SKAP2: variants seen among roughly 807,000 people sequenced by gnomAD.
SKAP2 encodes src kinase-associated phosphoprotein 2.
Under a neutral mutation model 54.9 loss-of-function variants are expected in SKAP2, and 28 were observed. The ratio of observed to expected loss-of-function variants is 0.51; its 90% CI spans 0.38 to 0.70. The LOEUF (loss-of-function observed/expected upper bound fraction) is 0.70, where lower values mean the gene tolerates loss of function less well. Among genes scored for constraint, SKAP2 ranks in the 30% least tolerant of loss-of-function variants. The pLI is 0.00. For missense variants in SKAP2, 356 were observed against 424.1 expected (o/e 0.84, Z 1.41); for synonymous variants, 137 against 134.3 (o/e 1.02, Z -0.14).
chr7:26,863,283 G>T (rs1785305544), intron 1 of SKAP2, among the ~76,000 whole-genome samples: 1 of 152,130 alleles, frequency 6.6e-6, no homozygotes, highest in African/African-American at 2.4e-5. Context: ...GTCATCAAAT[G>T]TCACATTTTA....
At chr7:26,700,758 CAGGGA>C (rs1195954429) in intron 9 of SKAP2, among the ~76,000 whole-genome samples, 1 of 152,198 alleles carries the variant, frequency 6.6e-6, no homozygotes, top group Non-Finnish European at 1.5e-5. Flanking sequence ...GAGTCTGTTT[CAGGGA>C]ACCCAACTTG....
intron 4 of SKAP2, among the ~76,000 whole-genome samples, chr7:26,813,360 TA>T (rs1487094407): frequency 6.6e-6 from 1 of 152,188 alleles, no homozygotes; most frequent in African/African-American, 2.4e-5. Context: ...CTTTTGTCTA[TA>T]CTTTTTCAAA....
intron 4 of SKAP2, among the ~76,000 whole-genome samples, chr7:26,748,150 A>C (rs547998752): frequency 2.9e-4 from 44 of 152,266 alleles, no homozygotes; most frequent in African/African-American, 1.0e-3. Flanking sequence ...ATAAATCTTT[A>C]ATATAGAACT....
At chr7:26,831,349 A>G (rs1278711297) in intron 4 of SKAP2, among the ~76,000 whole-genome samples, 5 of 152,198 alleles carry the variant, frequency 3.3e-5, no homozygotes, top group Admixed American at 3.3e-4. Context: ...AACCACTAAC[A>G]GTTTTCAACA....
At chr7:26,685,261 TCA>T (rs1786606466) in intron 10 of SKAP2, among the ~76,000 whole-genome samples, 1 of 152,056 alleles carries the variant, frequency 6.6e-6, no homozygotes, top group African/African-American at 2.4e-5. Flanking sequence ...AATAACCATC[TCA>T]CAGAATTTGG....
At chr7:26,856,477 T>C (rs1484701412) in intron 1 of SKAP2, among the ~76,000 whole-genome samples, 2 of 152,192 alleles carry the variant, frequency 1.3e-5, no homozygotes, top group Admixed American at 1.3e-4. Context: ...GTGGGGGACA[T>C]AGAGACATAA....
At chr7:26,724,893 G>A (rs549067292) in intron 9 of SKAP2, among the ~76,000 whole-genome samples, 6 of 152,146 alleles carry the variant, frequency 3.9e-5, no homozygotes, top group African/African-American at 1.4e-4. Context: ...ATTCCATATT[G>A]ATGCTAAAAT....
intron 4 of SKAP2, 106 bp from the exon 5 acceptor site, chr7:26,740,070 G>T: frequency 5.0e-5 from 27 of 539,614 alleles, no homozygotes; most frequent in Middle Eastern, 3.4e-4. Flanking sequence ...TACTGAAATT[G>T]TTTAAATCTA....
At chr7:26,696,508 C>G (rs755741357) in intron 9 of SKAP2, among the ~76,000 whole-genome samples, 24 of 152,068 alleles carry the variant, frequency 1.6e-4, no homozygotes, top group Non-Finnish European at 3.1e-4. Context: ...AACCAGATTT[C>G]TCAGGGGAAA....
intron 4 of SKAP2, among the ~76,000 whole-genome samples, chr7:26,779,720 T>A (rs968136660): frequency 6.6e-6 from 1 of 151,834 alleles, no homozygotes; most frequent in Non-Finnish European, 1.5e-5. Context: ...GTTAAAAAAA[T>A]GTAGAGGGAA....
At chr7:26,729,707 G>T (rs191543233) in intron 6 of SKAP2, among the ~76,000 whole-genome samples, 29 of 152,196 alleles carry the variant, frequency 1.9e-4, no homozygotes, top group African/African-American at 7.0e-4. Flanking sequence ...ATAAGAATAA[G>T]GGGATGGGGA....
chr7:26,713,692 T>C (rs995049338), intron 9 of SKAP2, among the ~76,000 whole-genome samples: 2 of 151,880 alleles, frequency 1.3e-5, no homozygotes, highest in Non-Finnish European at 2.9e-5. Context: ...CTCCGCCTCC[T>C]GGGTTCACAC....
At chr7:26,820,221 T>G (rs1232078826) in intron 4 of SKAP2, among the ~76,000 whole-genome samples, 1 of 152,188 alleles carries the variant, frequency 6.6e-6, no homozygotes, top group Non-Finnish European at 1.5e-5. Context: ...AGAACTTGAT[T>G]TTTAAAACTG....
intron 1 of SKAP2, among the ~76,000 whole-genome samples, chr7:26,861,615 CTTTTTT>C (rs34331819): frequency 6.0e-5 from 7 of 116,148 alleles, no homozygotes; most frequent in Non-Finnish European, 1.2e-4. Flanking sequence ...ATAACAACCT[CTTTTTT>C]TTTTTTTTTT....
intron 4 of SKAP2, among the ~76,000 whole-genome samples, chr7:26,786,371 A>G (rs762168073): frequency 2.0e-5 from 3 of 152,238 alleles, no homozygotes; most frequent in Non-Finnish European, 2.9e-5. Flanking sequence ...TAAAAAACAT[A>G]TAAGTAAGAT....
At chr7:26,760,475 G>A (rs1300091140) in intron 4 of SKAP2, among the ~76,000 whole-genome samples, 2 of 151,958 alleles carry the variant, frequency 1.3e-5, no homozygotes, top group East Asian at 3.8e-4. Flanking sequence ...AGATAGTACC[G>A]AATCCTACAT....
At chr7:26,803,718 A>G (rs1166729564) in intron 4 of SKAP2, among the ~76,000 whole-genome samples, 2 of 152,248 alleles carry the variant, frequency 1.3e-5, no homozygotes, top group Admixed American at 6.5e-5. Flanking sequence ...CAAAGCAACT[A>G]AGTGTCCATA....
chr7:26,803,049 A>G (rs1437102767), intron 4 of SKAP2, among the ~76,000 whole-genome samples: 1 of 152,200 alleles, frequency 6.6e-6, no homozygotes, highest in African/African-American at 2.4e-5. Flanking sequence ...TTTCCAGGAC[A>G]TTAGTCTGGG....
intron 4 of SKAP2, among the ~76,000 whole-genome samples, chr7:26,842,925 C>T (rs150585175): frequency 2.6e-5 from 4 of 151,658 alleles, no homozygotes; most frequent in Non-Finnish European, 5.9e-5. Context: ...AAATGTTTGC[C>T]GAAGCATAAA....
Sources: allele counts gnomAD v4.1 joint callset (sites outside exome capture counted in the v4.1 genomes callset), GRCh38; gene constraint gnomAD v4.1.1; transcripts MANE v1.5; gene names NCBI Gene and HGNC (gene_info 2026-07-23, HGNC 2026-07-21).